The following CNTNAP2 variants were observed in gnomAD, a reference collection of about 807,000 sequenced individuals.
The protein encoded by CNTNAP2 is contactin associated protein 2, also known as contactin-associated protein-like 2.
A neutral mutation model predicts 155.2 loss-of-function variants in CNTNAP2; 98 were observed. That is an observed-to-expected ratio of 0.63 (90% CI 0.54 to 0.75). The LOEUF (loss-of-function observed/expected upper bound fraction) is 0.75. Ranked by LOEUF, CNTNAP2 falls within the 30% of genes least tolerant of loss-of-function variation. The pLI, the probability that CNTNAP2 is intolerant of heterozygous loss-of-function variation, is 0.00. For synonymous variants in CNTNAP2, 651 were observed against 631.2 expected, an observed-to-expected ratio of 1.03 and a Z score of -0.47; for missense variants, 1,727 against 1,688.1, an observed-to-expected ratio of 1.02 and a Z score of -0.40.
chr7:147,310,895 C>T (rs979226681), intron 9 of CNTNAP2, among the ~76,000 whole-genome samples: 10 of 152,112 alleles, frequency 6.6e-5, no homozygotes, highest in Non-Finnish European at 1.3e-4. Flanking sequence ...TAGCAAAAAG[C>T]AGGGTTGGGT....
At chr7:147,578,603 T>C (rs995294237) in intron 12 of CNTNAP2, among the ~76,000 whole-genome samples, 1 of 152,170 alleles carries the variant, frequency 6.6e-6, no homozygotes, top group African/African-American at 2.4e-5. Flanking sequence ...GTGAAGTATA[T>C]TTATTAAGTA....
chr7:146,390,236 A>G (rs532235135), intron 1 of CNTNAP2, among the ~76,000 whole-genome samples: 1 of 152,188 alleles, frequency 6.6e-6, no homozygotes, highest in African/African-American at 2.4e-5. Context: ...CTTTGTAAAT[A>G]TTTGTAAATT....
At chr7:146,411,719 G>C (rs1312684280) in intron 1 of CNTNAP2, among the ~76,000 whole-genome samples, 4 of 151,866 alleles carry the variant, frequency 2.6e-5, no homozygotes. Context: ...ACATATAAAG[G>C]GTGGTATAAT....
Position 147,105,414 on chromosome 7 carries a change from G to A in CNTNAP2, c.551-2733G>A, listed in dbSNP as rs193138019. Among the ~76,000 whole-genome samples the A allele has an allele frequency of 1.9e-3, 294 of 151,956 alleles. 3 individuals are homozygous for A. Among genetic ancestry groups the A allele is most frequent in the African/African-American group, 6.8e-3 (282 of 41,534 alleles). ...ACCATACATATTTAATCACCGCATC[G>A]AAAACTTAATTCTAGGGAGTGATAA... On this transcript the variant is annotated intron_variant, in intron 4 of 23. Coordinates refer to ENST00000361727, the MANE Select transcript of CNTNAP2 (RefSeq NM_014141.6).
At chr7:147,682,936 C>T (rs978180626) in intron 13 of CNTNAP2, among the ~76,000 whole-genome samples, 1 of 151,636 alleles carries the variant, frequency 6.6e-6, no homozygotes, top group Non-Finnish European at 1.5e-5. Flanking sequence ...AATTTGAAAG[C>T]TATTATGGGT....
At chr7:146,555,115 T>C (rs802015) in intron 1 of CNTNAP2, among the ~76,000 whole-genome samples, 4,505 of 152,220 alleles carry the variant, frequency 0.03, 240 homozygotes, top group African/African-American at 0.1. Context: ...GCAGGCATTG[T>C]GGAGTGAATG....
intron 1 of CNTNAP2, among the ~76,000 whole-genome samples, chr7:146,201,313 A>C (rs1798855906): frequency 6.6e-6 from 1 of 152,118 alleles, no homozygotes; most frequent in Non-Finnish European, 1.5e-5. Context: ...GACTGCACTT[A>C]ATAGGAACTT....
At chr7:147,823,968 T>A (rs1798404712) in intron 13 of CNTNAP2, among the ~76,000 whole-genome samples, 1 of 152,168 alleles carries the variant, frequency 6.6e-6, no homozygotes, top group Non-Finnish European at 1.5e-5. Context: ...CTGGCATGAC[T>A]AAGGTTTGTG....
intron 10 of CNTNAP2, among the ~76,000 whole-genome samples, chr7:147,432,008 C>T (rs182554353): frequency 1.3e-5 from 2 of 152,312 alleles, no homozygotes; most frequent in African/African-American, 2.4e-5. Flanking sequence ...ATCTCAAATG[C>T]ATTTCCCATT....
intron 1 of CNTNAP2, among the ~76,000 whole-genome samples, chr7:146,466,542 T>A (rs1030854899): frequency 6.6e-6 from 1 of 152,220 alleles, no homozygotes; most frequent in East Asian, 1.9e-4. Context: ...ATTTAATCTA[T>A]CTTTTCACCC....
At chr7:147,279,258 A>G in intron 8 of CNTNAP2, among the ~76,000 whole-genome samples, 1 of 151,734 alleles carries the variant, frequency 6.6e-6, no homozygotes, top group East Asian at 1.9e-4. Context: ...CTCTAAAGAA[A>G]AAGTAAAATA....
intron 2 of CNTNAP2, among the ~76,000 whole-genome samples, chr7:146,834,226 A>C (rs1358034350): frequency 6.6e-6 from 1 of 152,134 alleles, no homozygotes; most frequent in Non-Finnish European, 1.5e-5. Context: ...TAAACCACCC[A>C]CTAAATTCCT....
At chr7:146,495,989 C>A (rs893238254) in intron 1 of CNTNAP2, among the ~76,000 whole-genome samples, 1 of 152,114 alleles carries the variant, frequency 6.6e-6, no homozygotes, top group African/African-American at 2.4e-5. Context: ...GAGTGAGGCT[C>A]CTTCCTACTT....
intron 21 of CNTNAP2, among the ~76,000 whole-genome samples, chr7:148,346,337 T>C (rs1057170452): frequency 2.0e-5 from 3 of 152,224 alleles, no homozygotes; most frequent in African/African-American, 7.2e-5. Context: ...AGTTTCTTTT[T>C]TAAATGTGAA....
At chr7:147,710,452 T>A (rs1796386685) in intron 13 of CNTNAP2, among the ~76,000 whole-genome samples, 1 of 152,190 alleles carries the variant, frequency 6.6e-6, no homozygotes, top group African/African-American at 2.4e-5. Flanking sequence ...TCAAGAATCC[T>A]TTCTTTTTTG....
chr7:148,370,946 C>T (rs761364437), intron 21 of CNTNAP2, among the ~76,000 whole-genome samples: 15 of 152,170 alleles, frequency 9.9e-5, no homozygotes, highest in Non-Finnish European at 2.1e-4. Context: ...CTTCACATGA[C>T]ACCGTCTCAA....
At chr7:146,683,276 G>T (rs1585041127) in intron 1 of CNTNAP2, among the ~76,000 whole-genome samples, 1 of 152,030 alleles carries the variant, frequency 6.6e-6, no homozygotes, top group East Asian at 1.9e-4. Flanking sequence ...CAGGTGATAT[G>T]CCTGCCTCGG....
At position 147,141,551 on chromosome 7, in the gene CNTNAP2, T is replaced by TA. The variant is rs539936611; in HGVS notation, c.1348+9051dup. On this transcript the variant is annotated intron_variant, in intron 8 of 23. Coordinates refer to ENST00000361727, the MANE Select transcript of CNTNAP2 (RefSeq NM_014141.6). ...ACATTATCATCTGCATTTCATAGAT[T>TA]AAAAAAAAACACAGGAATAGACATG... is the stretch of plus-strand genomic sequence containing the variant. 7.8e-4 allele frequency among the ~76,000 whole-genome samples: 118 copies of TA among 151,302 alleles called. No individual in the cohort carries two copies. In the South Asian group the frequency reaches 0.017, roughly 22 times the overall value.
intron 3 of CNTNAP2, among the ~76,000 whole-genome samples, chr7:146,999,921 G>C (rs181588675): frequency 6.6e-6 from 1 of 151,752 alleles, no homozygotes; most frequent in Admixed American, 6.6e-5. Context: ...CTTTCTCCAA[G>C]TTTGGAAAGT....
Sources: gnomAD v4.1 joint callset for allele counts (sites outside exome capture counted in the v4.1 genomes callset) on GRCh38, gnomAD v4.1.1 for gene constraint, MANE v1.5 for transcripts, NCBI Gene and HGNC (gene_info 2026-07-23, HGNC 2026-07-21) for gene names.